ASL: variants seen among roughly 807,000 people sequenced by gnomAD.
ASL encodes the protein argininosuccinate lyase, also known as argininosuccinase.
A neutral mutation model predicts 69.1 loss-of-function variants in ASL; 51 were observed. The observed-to-expected ratio is 0.74, with a 90% CI of 0.59 to 0.93. The LOEUF is 0.93. ASL is among the 40% of genes least tolerant of loss of function. The pLI is 0.00. For synonymous variants in ASL, 241 were observed against 247.6 expected (o/e 0.97, Z 0.25); for missense variants, 540 against 623.9 (o/e 0.87, Z 1.43).
In ASL at chr7:66,081,848, A is replaced by G. The variant is rs771082435; in HGVS notation, c.58A>G (p.Ile20Val). The G allele has an allele frequency of 6.2e-7, 1 of 1,614,030 alleles. No individual in the cohort carries two copies. The highest frequency in any genetic ancestry group is 8.5e-7 in the Non-Finnish European group (1 of 1,180,036). The change falls in exon 3 of 17, where the codon ATC becomes GTC. Residue 20 changes from isoleucine (I) to valine (V), a missense_variant. By Grantham distance (29) the Ile-to-Val change is conservative (BLOSUM62 3). Transcript: ENST00000304874. The stretch of plus-strand genomic sequence containing the variant: ...CCGGTTTGTGGGTGCAGTGGACCCC[A>G]TCATGGAGAAGTTCAACGCGTCCAT... ...GGRFVGAVDP[I>V]MEKFNASIAY...
chr7:66,089,595 T>C lies in ASL; in HGVS notation c.979-17T>C. Reference sequence around the variant, plus strand: ...AGGGGGCTGCTAGGCCCTCACCTCCTGCCATGTGCCTCCCAGGAGGACAAG... The same window carrying C: ...AGGGGGCTGCTAGGCCCTCACCTCCCGCCATGTGCCTCCCAGGAGGACAAG... On this transcript the variant is annotated splice_polypyrimidine_tract_variant and intron_variant, in intron 13 of 16. Coordinates refer to ENST00000304874, the MANE Select transcript of ASL (RefSeq NM_000048.4). 1.2e-6 allele frequency: 2 copies of C among 1,613,282 alleles called. No homozygotes were observed. The highest frequency in any genetic ancestry group is 1.7e-6 in the Non-Finnish European group (2 of 1,179,892).
intron 2 of ASL, among the ~76,000 whole-genome samples, chr7:66,077,209 G>A (rs1249215094): frequency 1.3e-5 from 2 of 152,120 alleles, no homozygotes; most frequent in Non-Finnish European, 2.9e-5. Flanking sequence ...CGGGAGGACT[G>A]CTGAAGCCCA....
At chr7:66,089,748 G>A in intron 14 of ASL, 53 bp downstream of exon 14, 1 of 1,589,388 alleles carries the variant, frequency 6.3e-7, no homozygotes, top group Non-Finnish European at 8.6e-7. Flanking sequence ...CACTGGGGTG[G>A]GCATGCGGGG....
intron 2 of ASL, among the ~76,000 whole-genome samples, chr7:66,078,325 T>C (rs1786405908): frequency 6.6e-6 from 1 of 150,544 alleles, no homozygotes; most frequent in African/African-American, 2.5e-5. Context: ...AGCTCAAAGA[T>C]GGGGTGGGGG....
In ASL at chr7:66,081,913, C is replaced by G; in HGVS notation, c.123C>G (p.Gly41=). Residue 41 remains glycine (G), a synonymous_variant, in exon 3 of 17, where the codon GGC becomes GGG. Coordinates refer to ENST00000304874, the MANE Select transcript of ASL (RefSeq NM_000048.4). ...ACCTTTGGGAGGTGGATGTTCAAGG[C>G]AGCAAAGCCTACAGCAGGGGCCTGG... ...DRHLWEVDVQ[G]SKAYSRGLEK... 1 of 1,613,964 alleles carries G rather than the reference C, an allele frequency of 6.2e-7. No homozygotes were observed. Among genetic ancestry groups the G allele is most frequent in the East Asian group, 2.2e-5 (1 of 44,874 alleles).
chr7:66,080,677 T>A (rs1261810692), intron 2 of ASL, among the ~76,000 whole-genome samples: 1 of 152,110 alleles, frequency 6.6e-6, no homozygotes, highest in African/African-American at 2.4e-5. Flanking sequence ...TGAGCCGAGA[T>A]CACGCCACTG....
intron 5 of ASL, 52 bp downstream of exon 5, chr7:66,082,988 C>T (rs1786554054): frequency 1.2e-6 from 2 of 1,611,464 alleles, no homozygotes; most frequent in African/African-American, 2.7e-5. Flanking sequence ...CTTGAGGAGC[C>T]CAGGGGGCAG....
rs1297216151 is a variant in ASL, at chr7:66,082,401, C to T, written c.241C>T (p.Leu81=). Reference sequence around the variant, plus strand: ...GGAGTGGGCCCAGGGCACCTTCAAACTGAACTCCAATGATGAGGACATCCA... The same window carrying T: ...GGAGTGGGCCCAGGGCACCTTCAAATTGAACTCCAATGATGAGGACATCCA... The part of the protein sequence containing the change: ...AEEWAQGTFK[L]NSNDEDIHTA... Residue 81 remains leucine (L), a synonymous_variant, in exon 4 of 17, where the codon CTG becomes TTG. Transcript: ENST00000304874. 6.2e-7 allele frequency: 1 copy of T among 1,612,752 alleles called. No homozygotes were observed. Among genetic ancestry groups the T allele is most frequent in the Admixed American group, 1.7e-5 (1 of 59,862 alleles).
intron 8 of ASL, 162 bp from the exon 9 acceptor site, chr7:66,087,172 T>C (rs1786688866): frequency 2.5e-6 from 2 of 796,760 alleles, no homozygotes; most frequent in East Asian, 5.2e-5. Context: ...CCAAGGAGAC[T>C]GGGCCAGGGA....
In ASL at chr7:66,093,226, A is replaced by G; in HGVS notation, c.*314A>G. ...CAGCTACTTGTAAGGCTGAGGTGAG[A>G]GGACACTTGTGCCCAGGAGTGGAGG... On this transcript the variant is annotated 3_prime_UTR_variant, in exon 17 of 17. Coordinates refer to ENST00000304874, the MANE Select transcript of ASL (RefSeq NM_000048.4). 2 of 455,698 alleles carry G rather than the reference A, an allele frequency of 4.4e-6. No individual in the cohort carries two copies. The highest frequency in any genetic ancestry group is 4.1e-5 in the South Asian group (2 of 48,228). The allele number at this position is 455,698 out of a possible 1,614,324, so 28.2% of individuals were successfully genotyped here.
Position 66,092,841 on chromosome 7 carries a change from G to A in ASL, c.1324G>A (p.Gly442Ser), listed in dbSNP as rs1173674993. The A allele has an allele frequency of 4.3e-6, 7 of 1,613,452 alleles. No individual in the cohort carries two copies. The highest frequency in any genetic ancestry group is 1.3e-5 in the African/African-American group (1 of 75,060). Residue 442 changes from glycine (G) to serine (S), a missense_variant, in exon 17 of 17, where the codon GGC becomes AGC. By Grantham distance (56) the Gly-to-Ser change is moderately conservative. Coordinates refer to ENST00000304874, the MANE Select transcript of ASL (RefSeq NM_000048.4). ...HSVEQYGALG[G>S]TARSSVDWQI... ...TGTGGAGCAGTATGGTGCCCTGGGC[G>A]GCACTGCGCGCTCCAGCGTCGACTG... is the stretch of plus-strand genomic sequence containing the variant.
At chr7:66,090,159 A>G (rs537204179) in intron 14 of ASL, among the ~76,000 whole-genome samples, 2 of 152,104 alleles carry the variant, frequency 1.3e-5, no homozygotes, top group Non-Finnish European at 2.9e-5. Context: ...AATAGCTTGA[A>G]CCCAGGAGAT....
chr7:66,081,248 A>G (rs1486456758), intron 2 of ASL, among the ~76,000 whole-genome samples: 1 of 152,096 alleles, frequency 6.6e-6, no homozygotes, highest in Admixed American at 6.6e-5. Flanking sequence ...AGGCCCTGCC[A>G]TCATCTCCTT....
intron 14 of ASL, 48 bp downstream of exon 14, chr7:66,089,743 G>T: frequency 6.3e-7 from 1 of 1,599,416 alleles, no homozygotes; most frequent in East Asian, 2.3e-5. Context: ...CCAGGCACTG[G>T]GGTGGGCATG....
At chr7:66,089,837 G>C in intron 14 of ASL, 142 bp downstream of exon 14, 2 of 896,474 alleles carry the variant, frequency 2.2e-6, no homozygotes, top group Non-Finnish European at 3.5e-6. Flanking sequence ...TCCTGCTCCT[G>C]GGGAACAGGG....
At chr7:66,087,010 G>C (rs1320855914) in intron 8 of ASL, 189 bp downstream of exon 8, 1 of 763,544 alleles carries the variant, frequency 1.3e-6, no homozygotes, top group Non-Finnish European at 2.1e-6. Context: ...AGCAGGGCCA[G>C]AGCCCTCCAG....
chr7:66,092,761 TC>T lies in ASL; in HGVS notation c.1251-3del, dbSNP rs1562745378. On this transcript the variant is annotated splice_polypyrimidine_tract_variant and splice_region_variant and intron_variant, in intron 16 of 16. Transcript: ENST00000304874. The stretch of plus-strand genomic sequence containing the variant: ...GCGCCCTGGCCCACCTCTTCCTCTC[TC>T]CCCAGCCCCCTGTTCTCGGGCGACG... The T allele has an allele frequency of 6.2e-7, 1 of 1,613,452 alleles. No individual in the cohort carries two copies.
Position 66,086,599 on chromosome 7 carries a change from T to C in ASL, c.461T>C (p.Leu154Pro), listed in dbSNP as rs869312988. ...VDRAEAERDV[L>P]FPGYTHLQRA... is the part of the protein sequence containing the mutation. The stretch of plus-strand genomic sequence containing the variant: ...CTCTCCCACAGGGAACGTGATGTTC[T>C]CTTCCCGGGGTACACCCATTTGCAG... The change falls in exon 7 of 17, where the codon CTC becomes CCC. Residue 154 changes from leucine to proline, a missense_variant. Physicochemically the swap from Leu to Pro is moderately conservative, Grantham distance 98. Coordinates refer to ENST00000304874, the MANE Select transcript of ASL (RefSeq NM_000048.4). The C allele has an allele frequency of 2.5e-6, 4 of 1,613,894 alleles. No homozygotes were observed. Among genetic ancestry groups the C allele is most frequent in the Non-Finnish European group, 3.4e-6 (4 of 1,180,024 alleles).
At chr7:66,090,046 T>C (rs1377642722) in intron 14 of ASL, among the ~76,000 whole-genome samples, 4 of 152,186 alleles carry the variant, frequency 2.6e-5, no homozygotes, top group Admixed American at 6.5e-5. Context: ...GAGACCAGCC[T>C]GGCCAACATG....
Sources: gnomAD v4.1 joint callset for allele counts (sites outside exome capture counted in the v4.1 genomes callset) on GRCh38, gnomAD v4.1.1 for gene constraint, MANE v1.5 for transcripts, NCBI Gene and HGNC (gene_info 2026-07-23, HGNC 2026-07-21) for gene names.